Variants in PABPC4L observed in about 807,000 individuals in gnomAD.
PABPC4L encodes polyadenylate-binding protein 4-like.
For synonymous variants in PABPC4L, 169 were observed against 164.1 expected (o/e 1.03, Z -0.23); for missense variants, 452 against 451.4 (o/e 1.00, Z -0.01).
At position 134,196,653 on chromosome 4, in the gene PABPC4L, T is replaced by A. The variant is rs1729666089; in HGVS notation, c.*3254A>T. On this transcript the variant is annotated 3_prime_UTR_variant, in exon 2 of 2. Transcript: ENST00000421491. ...CAGAAAAGTTAAGATTCTACTTATT[T>A]ATTAAGGCACTTGGGCACAAAAGAT... 6.6e-6 allele frequency: 1 copy of A among 151,762 alleles called. No individual in the cohort carries two copies. Among genetic ancestry groups the A allele is most frequent in the Non-Finnish European group, 1.5e-5 (1 of 67,692 alleles). 9.4% of individuals were successfully genotyped at this position (151,762 alleles called of 1,614,324 possible). A position where few individuals can be genotyped will look rare whatever the true frequency, so the allele number is the denominator to read the frequency against.
the PABPC4L span, among the ~76,000 whole-genome samples, chr4:134,114,135 G>T: frequency 6.6e-6 from 1 of 151,570 alleles, no homozygotes; most frequent in African/African-American, 2.4e-5. Flanking sequence ...GGGGGAAATG[G>T]TAATAGGAAC....
chr4:134,192,646 A>G (rs1729543686), downstream of PABPC4L, among the ~76,000 whole-genome samples: 1 of 152,152 alleles, frequency 6.6e-6, no homozygotes, highest in African/African-American at 2.4e-5. Flanking sequence ...AGAATAAATA[A>G]TTTGTCATAC....
chr4:133,971,106 C>CTTTTTTTTTTTTTTTTTTTTTTTTATTTT, the PABPC4L span, among the ~76,000 whole-genome samples: 1 of 63,972 alleles, frequency 1.6e-5, no homozygotes, highest in Non-Finnish European at 2.7e-5. Context: ...ATCTTATATT[C>CTTTTTTTTTTTTTTTTTTTTTTTTATTTT]TTTTTTTTTT....
the PABPC4L span, among the ~76,000 whole-genome samples, chr4:134,126,646 ATTTTT>A: frequency 6.6e-6 from 1 of 151,902 alleles, no homozygotes; most frequent in South Asian, 2.1e-4. Flanking sequence ...CCAAATTGTA[ATTTTT>A]TATTTTCCTT....
At chr4:134,134,847 G>A in the PABPC4L span, among the ~76,000 whole-genome samples, 2 of 151,906 alleles carry the variant, frequency 1.3e-5, no homozygotes, top group African/African-American at 2.4e-5. Flanking sequence ...GCTGGAAACT[G>A]GATTGAGAGT....
chr4:134,136,719 C>T, the PABPC4L span, among the ~76,000 whole-genome samples: 1 of 151,942 alleles, frequency 6.6e-6, no homozygotes, highest in Non-Finnish European at 1.5e-5. Flanking sequence ...AATGTATTTG[C>T]AGCGACTATG....
chr4:134,083,865 G>T, the PABPC4L span, among the ~76,000 whole-genome samples: 1 of 151,828 alleles, frequency 6.6e-6, no homozygotes, highest in Non-Finnish European at 1.5e-5. Context: ...ACAGGTATAT[G>T]TGATACATTA....
chr4:134,126,966 C>T, the PABPC4L span, among the ~76,000 whole-genome samples: 7 of 152,220 alleles, frequency 4.6e-5, no homozygotes, highest in African/African-American at 7.2e-5. Context: ...GCCTTTCTGG[C>T]TGAGAGCCGT....
At chr4:134,110,691 G>T in the PABPC4L span, among the ~76,000 whole-genome samples, 1 of 151,146 alleles carries the variant, frequency 6.6e-6, no homozygotes, top group Non-Finnish European at 1.5e-5. Flanking sequence ...ATATAAAATT[G>T]CATAATATTT....
At chr4:134,075,248 G>A in the PABPC4L span, among the ~76,000 whole-genome samples, 1 of 152,132 alleles carries the variant, frequency 6.6e-6, no homozygotes, top group Non-Finnish European at 1.5e-5. Context: ...GATTGTGAAT[G>A]TGAGGGTTGA....
chr4:134,040,931 C>T, the PABPC4L span, among the ~76,000 whole-genome samples: 17 of 152,034 alleles, frequency 1.1e-4, no homozygotes, highest in Admixed American at 3.9e-4. Flanking sequence ...ACAGACACTT[C>T]TCAAAAGAAG....
chr4:134,097,349 G>A, the PABPC4L span, among the ~76,000 whole-genome samples: 1 of 151,830 alleles, frequency 6.6e-6, no homozygotes, highest in Non-Finnish European at 1.5e-5. Flanking sequence ...AAGAAAAAAA[G>A]AATTTTTATT....
the PABPC4L span, among the ~76,000 whole-genome samples, chr4:134,052,095 C>A: frequency 6.6e-6 from 1 of 151,906 alleles, no homozygotes; most frequent in African/African-American, 2.4e-5. Context: ...TATAGGGTAC[C>A]AGCTGATTAC....
chr4:134,023,417 C>T, the PABPC4L span, among the ~76,000 whole-genome samples: 2 of 152,108 alleles, frequency 1.3e-5, no homozygotes, highest in Non-Finnish European at 2.9e-5. Context: ...CCAGAGTTCT[C>T]TCAGAATAAC....
the PABPC4L span, among the ~76,000 whole-genome samples, chr4:133,965,384 A>T: frequency 2.0e-5 from 3 of 152,074 alleles, no homozygotes; most frequent in South Asian, 6.2e-4. Context: ...TGTGATAATG[A>T]CCATACTGCC....
At position 134,200,784 on chromosome 4, in the gene PABPC4L, T is replaced by G. The variant is rs940145407; in HGVS notation, c.236A>C (p.Lys79Thr). ...CTGAGACCACATGAGACGGATGGAT[T>G]TGCCTTTTATGATGTCAAAGTTCAT... ...DTMNFDIIKGKSIRLMWSQRD... is the reference protein window; with the variant it reads ...DTMNFDIIKGTSIRLMWSQRD... The change falls in exon 2 of 2, where the codon AAA (lysine) becomes ACA (threonine). Residue 79 changes from lysine (K) to threonine (T), a missense_variant. By Grantham distance (78) the Lys-to-Thr change is moderately conservative. Transcript: ENST00000421491. 5 of 1,551,744 alleles carry G rather than the reference T, an allele frequency of 3.2e-6. No homozygotes were observed. The highest frequency in any genetic ancestry group is 4.4e-6 in the Non-Finnish European group (5 of 1,147,068).
the PABPC4L span, among the ~76,000 whole-genome samples, chr4:133,949,975 C>T: frequency 6.6e-6 from 1 of 152,206 alleles, no homozygotes; most frequent in East Asian, 1.9e-4. Flanking sequence ...CTAAGGAGTG[C>T]TATTTGGAGA....
rs770281147 is a variant in PABPC4L at position 134,200,951 on chromosome 4, C to G, written c.69G>C (p.Glu23Asp). ...YVGDLHADVT[E>D]DLLFRKFSTV... is the part of the protein sequence containing the mutation. ...TGCTGAACTTCCTGAACAGCAGGTC[C>G]TCGGTGACATCTGCATGTAAGTCAC... is the stretch of plus-strand genomic sequence containing the variant. The change falls in exon 2 of 2, where the codon GAG becomes GAC. Residue 23 changes from glutamate (E) to aspartate (D), a missense_variant. Coordinates refer to ENST00000421491, the MANE Select transcript of PABPC4L (RefSeq NM_001114734.2). The G allele has an allele frequency of 1.3e-6, 2 of 1,556,684 alleles. No homozygotes were observed. The highest frequency in any genetic ancestry group is 2.4e-5 in the South Asian group (2 of 84,262).
the PABPC4L span, among the ~76,000 whole-genome samples, chr4:134,062,821 T>G: frequency 6.6e-6 from 1 of 152,196 alleles, no homozygotes; most frequent in African/African-American, 2.4e-5. Context: ...AAACAAAAGT[T>G]AGGAATAAAA....
Sources: allele counts gnomAD v4.1 joint callset (sites outside exome capture counted in the v4.1 genomes callset), GRCh38; gene constraint gnomAD v4.1.1; transcripts MANE v1.5; gene names NCBI Gene and HGNC (gene_info 2026-07-23, HGNC 2026-07-21).